The following CBL variants were observed in gnomAD, a reference collection of about 807,000 sequenced individuals.
CBL encodes the protein Cbl proto-oncogene.
Under a neutral mutation model 96.9 loss-of-function variants are expected in CBL, and 45 were observed. The observed-to-expected ratio is 0.46, with a 90% CI of 0.37 to 0.60. CBL has a LOEUF of 0.60. Among genes scored for constraint, CBL ranks in the 20% least tolerant of loss-of-function variants. The pLI is 0.00. For synonymous variants in CBL, 420 were observed against 426.8 expected, an observed-to-expected ratio of 0.98 and a Z score of 0.20; for missense variants, 1,024 against 1,143.5, an observed-to-expected ratio of 0.90 and a Z score of 1.51.
intron 9 of CBL, 126 bp from the exon 10 acceptor site, chr11:119,284,843 A>G (rs1214523223): frequency 1.7e-6 from 2 of 1,179,272 alleles, no homozygotes; most frequent in African/African-American, 1.5e-5. Flanking sequence ...TGCGACCTCA[A>G]ACCTAGGTCT....
At chr11:119,226,299 C>T (rs1949458065) in intron 1 of CBL, among the ~76,000 whole-genome samples, 1 of 152,102 alleles carries the variant, frequency 6.6e-6, no homozygotes, top group South Asian at 2.1e-4. Flanking sequence ...TCTTGCCTCC[C>T]CTGCATATAA....
chr11:119,260,282 T>C (rs1949744864), intron 2 of CBL, among the ~76,000 whole-genome samples: 1 of 151,518 alleles, frequency 6.6e-6, no homozygotes, highest in Non-Finnish European at 1.5e-5. Context: ...TGTCACTCTG[T>C]CGTTCAGACT....
intron 1 of CBL, among the ~76,000 whole-genome samples, chr11:119,213,367 G>A (rs1378837964): frequency 6.6e-6 from 1 of 152,134 alleles, no homozygotes; most frequent in East Asian, 1.9e-4. Flanking sequence ...CACTCTAGGA[G>A]ATTACATTAT....
At position 119,276,177 on chromosome 11, in the gene CBL, AG is replaced by A. The variant is rs761422807; in HGVS notation, c.1007+47del. On this transcript the variant is annotated intron_variant, in intron 6 of 15. Transcript: ENST00000264033. ...ACCATCTGTTAGAGTCTGGGAACTT[AG>A]GGGCTGTCCAACCTCATCATTAATG... The A allele has an allele frequency of 2.5e-6, 4 of 1,602,382 alleles. No homozygotes were observed. The East Asian group carries it at 8.9e-5, about 36-fold the overall frequency.
chr11:119,218,541 G>C (rs1462839571), intron 1 of CBL, among the ~76,000 whole-genome samples: 1 of 152,178 alleles, frequency 6.6e-6, no homozygotes, highest in Non-Finnish European at 1.5e-5. Context: ...ATTGTATGCT[G>C]TTCTGAGTAA....
At chr11:119,263,651 T>C (rs4338542) in intron 2 of CBL, among the ~76,000 whole-genome samples, 1 of 151,752 alleles carries the variant, frequency 6.6e-6, no homozygotes, top group Non-Finnish European at 1.5e-5. Flanking sequence ...GTTTTCGTTT[T>C]GTTTTGTTTT....
At position 119,209,667 on chromosome 11, in the gene CBL, C is replaced by T. The variant is rs115034898; in HGVS notation, c.195+3055C>T. Among the ~76,000 whole-genome samples, 867 of 151,906 alleles carry T rather than the reference C, an allele frequency of 5.7e-3. 8 individuals carry two copies. The highest frequency in any genetic ancestry group is 0.016 in the South Asian group (77 of 4,810). ...TCTTTTAAATGACACACATTTAGTT[C>T]TAAGTCACCATCTCATACCTGCTTT... On this transcript the variant is annotated intron_variant, in intron 1 of 15. Transcript: ENST00000264033.
At chr11:119,250,804 A>G (rs937988771) in intron 2 of CBL, among the ~76,000 whole-genome samples, 1 of 152,024 alleles carries the variant, frequency 6.6e-6, no homozygotes, top group Non-Finnish European at 1.5e-5. Context: ...TACAAAAATT[A>G]GCCGGGTGTG....
Position 119,300,141 on chromosome 11 carries a change from G to T in CBL, c.*360G>T. The T allele has an allele frequency of 1.9e-6, 1 of 523,652 alleles. No individual in the cohort carries two copies. 32.4% of individuals were successfully genotyped at this position (523,652 alleles called of 1,614,324 possible). On this transcript the variant is annotated 3_prime_UTR_variant, in exon 16 of 16. Transcript: ENST00000264033. ...TAAGACTTCCTGGGTTAAGGATGTG[G>T]CCGTGTGTGTGTGTGTCTGCCTGTG...
intron 2 of CBL, among the ~76,000 whole-genome samples, chr11:119,259,943 C>T (rs1021892978): frequency 6.6e-6 from 1 of 152,174 alleles, no homozygotes; most frequent in Non-Finnish European, 1.5e-5. Flanking sequence ...GGGGGAAACT[C>T]AGTTTCAGCT....
intron 5 of CBL, among the ~76,000 whole-genome samples, chr11:119,275,369 T>C (rs1299526342): frequency 6.6e-6 from 1 of 151,240 alleles, no homozygotes; most frequent in Admixed American, 6.6e-5. Context: ...ACCTGGGAGG[T>C]GGAGGTTGCA....
At chr11:119,276,246 A>T in intron 6 of CBL, 112 bp downstream of exon 6, 1 of 1,093,130 alleles carries the variant, frequency 9.1e-7, no homozygotes, top group Non-Finnish European at 1.4e-6. Context: ...AGATTCAGGA[A>T]AATATTAACA....
At chr11:119,268,638 A>G (rs928606311) in intron 2 of CBL, among the ~76,000 whole-genome samples, 2 of 152,198 alleles carry the variant, frequency 1.3e-5, no homozygotes, top group African/African-American at 4.8e-5. Context: ...TGAGATTGCA[A>G]AGGAACAGGA....
At chr11:119,235,675 A>G (rs1022736577) in intron 2 of CBL, among the ~76,000 whole-genome samples, 19 of 152,274 alleles carry the variant, frequency 1.2e-4, no homozygotes, top group Non-Finnish European at 2.2e-4. Flanking sequence ...ATGAAAAAAA[A>G]GTCTGTGTAT....
At chr11:119,246,187 A>G (rs1301804162) in intron 2 of CBL, among the ~76,000 whole-genome samples, 1 of 151,470 alleles carries the variant, frequency 6.6e-6, no homozygotes, top group Admixed American at 6.6e-5. Context: ...GTTGGCCAGG[A>G]TAGTCTTGAT....
At position 119,264,437 on chromosome 11, in the gene CBL, TCTTCTTTCTC is replaced by T. The variant is rs757571382; in HGVS notation, c.444-7297_444-7288del. ...TCTTCTCTTCTCTTCTCTTCTCTTC[TCTTCTTTCTC>T]TTCTCTTCTCTTCTCTTTTCTTCTT... On this transcript the variant is annotated intron_variant, in intron 2 of 15. Transcript: ENST00000264033. 3.6e-3 allele frequency among the ~76,000 whole-genome samples: 341 copies of T among 93,848 alleles called. 2 individuals carry two copies. The highest frequency in any genetic ancestry group is 0.011 in the African/African-American group (309 of 27,506). The allele number at this position is 93,848 out of a possible 152,430, so 61.6% of individuals were successfully genotyped here.
intron 12 of CBL, among the ~76,000 whole-genome samples, chr11:119,291,150 A>C (rs1359571146): frequency 6.6e-6 from 1 of 152,170 alleles, no homozygotes; most frequent in African/African-American, 2.4e-5. Context: ...TAATCCCAAC[A>C]CTTTGGGAAG....
chr11:119,228,950 A>T (rs1316557533), intron 1 of CBL, among the ~76,000 whole-genome samples: 1 of 152,044 alleles, frequency 6.6e-6, no homozygotes, highest in African/African-American at 2.4e-5. Flanking sequence ...AGCCGGGATT[A>T]CAGGTGCCTG....
At chr11:119,284,109 ATCC>A (rs1295719645) in intron 9 of CBL, among the ~76,000 whole-genome samples, 3 of 151,964 alleles carry the variant, frequency 2.0e-5, no homozygotes, top group Non-Finnish European at 2.9e-5. Context: ...GCCTCAAGCA[ATCC>A]TCCTGCCTCC....
Sources: allele counts gnomAD v4.1 joint callset (sites outside exome capture counted in the v4.1 genomes callset), GRCh38; gene constraint gnomAD v4.1.1; transcripts MANE v1.5; gene names NCBI Gene and HGNC (gene_info 2026-07-23, HGNC 2026-07-21).